RORA: variants seen among roughly 807,000 people sequenced by gnomAD.
RORA encodes nuclear receptor ROR-alpha.
RORA carries 7 observed loss-of-function variants against 69.5 expected under a neutral mutation model. The observed-to-expected ratio is 0.10, with a 90% CI of 0.06 to 0.19. The LOEUF (loss-of-function observed/expected upper bound fraction) is 0.19, where lower values mean the gene tolerates loss of function less well. Ranked by LOEUF, RORA falls within the 10% of genes least tolerant of loss-of-function variation. The pLI, the probability that RORA is intolerant of heterozygous loss-of-function variation, is 1.00. For missense variants in RORA, 457 were observed against 663.0 expected (o/e 0.69, Z 3.41); for synonymous variants, 261 against 240.8 (o/e 1.08, Z -0.78).
Position 60,531,880 on chromosome 15 carries a change from T to A in RORA, c.197-29A>T. ...CAACAGAAGCACGCAACCAGTTAAT[T>A]ACATTTTCTTTTAAACACCTTATAA... On this transcript the variant is annotated intron_variant, in intron 2 of 10. Transcript: ENST00000335670. This position sits in a 1 kb window ranked among gnomAD's most constrained non-coding sequence, Gnocchi z 4.8. The A allele has an allele frequency of 1.4e-6, 2 of 1,430,986 alleles. No homozygotes were observed. The allele number at this position is 1,430,986 out of a possible 1,614,324, so 88.6% of individuals were successfully genotyped here.
intron 1 of RORA, among the ~76,000 whole-genome samples, chr15:61,044,865 G>C (rs370581373): frequency 6.6e-6 from 1 of 152,198 alleles, no homozygotes; most frequent in African/African-American, 2.4e-5. Flanking sequence ...GCACATTAAA[G>C]TCTGTGAAGC....
rs115001987 is a variant in RORA, at chr15:61,032,065, T to C, written c.166+196988A>G. On this transcript the variant is annotated intron_variant, in intron 1 of 10. Transcript: ENST00000335670. Reference sequence around the variant, plus strand: ...GGAAGTACACTGTGAAAGGGACTTATTGCACGTAAGCATGTATGTCAAATT... The same window carrying C: ...GGAAGTACACTGTGAAAGGGACTTACTGCACGTAAGCATGTATGTCAAATT... Among the ~76,000 whole-genome samples, 587 of 152,328 alleles carry C rather than the reference T, an allele frequency of 3.9e-3. 1 individual carries two copies. The highest frequency in any genetic ancestry group is 0.014 in the African/African-American group (570 of 41,584).
intron 2 of RORA, among the ~76,000 whole-genome samples, chr15:60,614,672 T>G (rs1219129721): frequency 5.3e-5 from 8 of 152,296 alleles, no homozygotes; most frequent in African/African-American, 1.9e-4. Context: ...TCTTCAGGGC[T>G]TGACAGAATA....
At chr15:61,179,203 C>T (rs908395652) in intron 1 of RORA, among the ~76,000 whole-genome samples, 4 of 152,126 alleles carry the variant, frequency 2.6e-5, no homozygotes, top group Non-Finnish European at 5.9e-5. Context: ...AAGTGTGGTC[C>T]GTGGTCCCTT....
At chr15:60,954,637 G>A (rs1893214882) in intron 1 of RORA, among the ~76,000 whole-genome samples, 1 of 152,088 alleles carries the variant, frequency 6.6e-6, no homozygotes, top group Non-Finnish European at 1.5e-5. Flanking sequence ...GAAGCCTGTT[G>A]CCAAAAACTT....
chr15:60,898,751 G>C (rs1216431928), intron 1 of RORA, among the ~76,000 whole-genome samples: 1 of 152,038 alleles, frequency 6.6e-6, no homozygotes, highest in Non-Finnish European at 1.5e-5. Flanking sequence ...CAGAAAACAA[G>C]GCAATGCATT....
chr15:60,539,745 C>G (rs1210242920), intron 2 of RORA, among the ~76,000 whole-genome samples: 1 of 150,984 alleles, frequency 6.6e-6, no homozygotes, highest in African/African-American at 2.4e-5. Context: ...TTTTGTTTTT[C>G]CTCTCTTTTG....
chr15:60,943,697 C>T (rs1003345231), intron 1 of RORA, among the ~76,000 whole-genome samples: 2 of 151,786 alleles, frequency 1.3e-5, no homozygotes, highest in South Asian at 4.1e-4. Context: ...GGGGGGATTG[C>T]CTGAGCTCAG....
chr15:61,128,908 C>A lies in RORA; in HGVS notation c.166+100145G>T, dbSNP rs570464223. 1.3e-5 allele frequency among the ~76,000 whole-genome samples: 2 copies of A among 152,250 alleles called. No individual in the cohort carries two copies. Among genetic ancestry groups the A allele is most frequent in the Non-Finnish European group, 2.9e-5 (2 of 68,042 alleles). Reference sequence around the variant, plus strand: ...TTTACATGGGACCCAAGAAGAGACACTGGCCGTGGCACCACGTGCCTGCCT... The same window carrying A: ...TTTACATGGGACCCAAGAAGAGACAATGGCCGTGGCACCACGTGCCTGCCT... On this transcript the variant is annotated intron_variant, in intron 1 of 10. Coordinates refer to ENST00000335670, the MANE Select transcript of RORA (RefSeq NM_134261.3). This position sits in a 1 kb window ranked among gnomAD's most constrained non-coding sequence, Gnocchi z 4.5.
intron 1 of RORA, among the ~76,000 whole-genome samples, chr15:60,930,757 T>C (rs1892350882): frequency 6.6e-6 from 1 of 152,230 alleles, no homozygotes; most frequent in Non-Finnish European, 1.5e-5. Flanking sequence ...ACTTTGTATG[T>C]GGTGACTGTC....
chr15:60,793,171 C>T (rs536128482), intron 1 of RORA, among the ~76,000 whole-genome samples: 3 of 152,212 alleles, frequency 2.0e-5, no homozygotes, highest in Admixed American at 6.5e-5. Flanking sequence ...CTCAAAAGTT[C>T]CTTTTGGCCT....
intron 1 of RORA, among the ~76,000 whole-genome samples, chr15:61,151,654 A>G (rs1043558271): frequency 6.6e-6 from 1 of 152,204 alleles, no homozygotes; most frequent in Admixed American, 6.5e-5. Flanking sequence ...TTGATCTGTG[A>G]CACCTTGAAC....
intron 1 of RORA, among the ~76,000 whole-genome samples, chr15:61,059,929 G>GAAC (rs1352718554): frequency 3.6e-4 from 43 of 119,186 alleles, no homozygotes; most frequent in African/African-American, 9.2e-4. Flanking sequence ...AGAAGAAGAA[G>GAAC]AAGAACAAGA....
chr15:61,121,195 C>A (rs905396847), intron 1 of RORA, among the ~76,000 whole-genome samples: 2 of 152,226 alleles, frequency 1.3e-5, no homozygotes, highest in African/African-American at 4.8e-5. Flanking sequence ...ATAACGCAGA[C>A]TAAGTTATAG....
At chr15:60,679,713 A>G (rs2070612898) in intron 1 of RORA, among the ~76,000 whole-genome samples, 1 of 152,098 alleles carries the variant, frequency 6.6e-6, no homozygotes, top group Non-Finnish European at 1.5e-5. Context: ...GCTAGGGAAC[A>G]TGTCGTACGG....
At chr15:60,826,276 G>C (rs2072955146) in intron 1 of RORA, among the ~76,000 whole-genome samples, 1 of 152,236 alleles carries the variant, frequency 6.6e-6, no homozygotes, top group South Asian at 2.1e-4. Flanking sequence ...AAGAAAGGCA[G>C]GATTAATGAA....
chr15:60,525,394 CAG>C (rs2066320792), intron 3 of RORA, among the ~76,000 whole-genome samples: 3 of 152,326 alleles, frequency 2.0e-5, no homozygotes, highest in Admixed American at 6.5e-5. Flanking sequence ...CTCAGTGAAA[CAG>C]AGGCTGAAAT....
chr15:61,070,013 T>C (rs955757814), intron 1 of RORA, among the ~76,000 whole-genome samples: 4 of 152,232 alleles, frequency 2.6e-5, no homozygotes, highest in African/African-American at 9.6e-5. Flanking sequence ...TAAAAGTATG[T>C]TTATTTTTTC....
chr15:60,499,873 A>G lies in RORA; in HGVS notation c.1407+19T>C, dbSNP rs200436180. The G allele has an allele frequency of 1.4e-4, 193 of 1,420,762 alleles. No individual in the cohort carries two copies. Among genetic ancestry groups the G allele is most frequent in the Middle Eastern group, 5.3e-4 (3 of 5,662 alleles). 88.0% of individuals were successfully genotyped at this position (1,420,762 alleles called of 1,614,324 possible). On this transcript the variant is annotated intron_variant, in intron 10 of 10. Coordinates refer to ENST00000335670, the MANE Select transcript of RORA (RefSeq NM_134261.3). ...GGGGATAGTTCAGGCCATGCCAACTAGAAGCCTTTGGCACTCACCTTTGTT... is the reference window on the plus strand; with the variant it reads ...GGGGATAGTTCAGGCCATGCCAACTGGAAGCCTTTGGCACTCACCTTTGTT...
Sources: gnomAD v4.1 joint callset for allele counts (sites outside exome capture counted in the v4.1 genomes callset) on GRCh38, gnomAD v4.1.1 for gene constraint, Gnocchi (gnomAD v3.1) non-coding constraint, MANE v1.5 for transcripts, NCBI Gene and HGNC (gene_info 2026-07-23, HGNC 2026-07-21) for gene names.